The following MMP19 variants were observed in gnomAD, a reference collection of about 807,000 sequenced individuals.
MMP19 encodes the protein matrix metallopeptidase 19.
Under a neutral mutation model 46.6 loss-of-function variants are expected in MMP19, and 47 were observed. That is an observed-to-expected ratio of 1.01 (90% CI 0.80 to 1.29). The LOEUF (loss-of-function observed/expected upper bound fraction) is 1.29, where lower values mean the gene tolerates loss of function less well. MMP19 is among the 50% of genes most tolerant of loss of function. MMP19 has a pLI of 0.00. For synonymous variants in MMP19, 222 were observed against 248.5 expected, an observed-to-expected ratio of 0.89 and a Z score of 1.00; for missense variants, 589 against 643.5, an observed-to-expected ratio of 0.92 and a Z score of 0.92.
intron 3 of MMP19, 77 bp from the exon 4 acceptor site, chr12:55,840,959 C>T: frequency 1.3e-6 from 2 of 1,534,050 alleles, no homozygotes; most frequent in Admixed American, 1.9e-5. Flanking sequence ...GGTTTAGGCA[C>T]TCAACCCCCA....
rs1232328893 is a variant in MMP19, at chr12:55,842,822, G to A, written c.9C>T (p.Cys3=). The A allele has an allele frequency of 1.3e-6, 2 of 1,596,348 alleles. No individual in the cohort carries two copies. Among genetic ancestry groups the A allele is most frequent in the Non-Finnish European group, 1.7e-6 (2 of 1,172,134 alleles). Residue 3 remains cysteine, a synonymous_variant, in exon 1 of 9, where the codon TGC becomes TGT. Transcript: ENST00000322569. The part of the protein sequence containing the change: MN[C]QQLWLGFLLP... Reference sequence around the variant, plus strand: ...GTAGGAAGCCCAGCCACAGCTGCTGGCAGTTCATGGTCCCACCAGACGAGA... The same window carrying A: ...GTAGGAAGCCCAGCCACAGCTGCTGACAGTTCATGGTCCCACCAGACGAGA...
chr12:55,837,220 T>G lies in MMP19; in HGVS notation c.1343A>C (p.Tyr448Ser). Residue 448 changes from tyrosine (Y) to serine (S), a missense_variant, in exon 9 of 9, where the codon TAC (tyrosine) becomes TCC (serine). Physicochemically the swap from Tyr to Ser is moderately radical, Grantham distance 144. Coordinates refer to ENST00000322569, the MANE Select transcript of MMP19 (RefSeq NM_002429.6). ...GRVYFFKGKV[Y>S]WRLNQQLRVE... ...TCGAAGCTGCTGGTTGAGGCGCCAG[T>G]AGACTTTGCCCTTGAAGAAGTAGAC... The G allele has an allele frequency of 6.2e-7, 1 of 1,614,224 alleles. No homozygotes were observed. Among genetic ancestry groups the G allele is most frequent in the Non-Finnish European group, 8.5e-7 (1 of 1,180,040 alleles).
intron 6 of MMP19, chr12:55,838,224 AC>A (rs1881403049): frequency 1.6e-6 from 1 of 626,264 alleles, no homozygotes; most frequent in South Asian, 2.1e-5. Flanking sequence ...ACTCAACAAA[AC>A]AAAAGCCCTG....
rs1565693671 is a variant in MMP19, at chr12:55,835,558, C to T, written c.*1478G>A. The T allele has an allele frequency of 6.6e-6, 1 of 152,276 alleles. No individual in the cohort carries two copies. Among genetic ancestry groups the T allele is most frequent in the Non-Finnish European group, 1.5e-5 (1 of 68,106 alleles). 9.4% of individuals were successfully genotyped at this position (152,276 alleles called of 1,614,324 possible). On this transcript the variant is annotated 3_prime_UTR_variant, in exon 9 of 9. Coordinates refer to ENST00000322569, the MANE Select transcript of MMP19 (RefSeq NM_002429.6). ...CCTCCCAAAGTGCTAGGATTATAGC[C>T]ACCGCACCTCGTCTTGAAATAGCCT...
At chr12:55,838,232 C>T in intron 6 of MMP19, 1 of 622,304 alleles carries the variant, frequency 1.6e-6, no homozygotes, top group Non-Finnish European at 2.8e-6. Context: ...AAACAAAAGC[C>T]CTGCAGATAG....
chr12:55,842,071 C>T (rs932537496), intron 2 of MMP19, among the ~76,000 whole-genome samples: 1 of 152,196 alleles, frequency 6.6e-6, no homozygotes, highest in Non-Finnish European at 1.5e-5. Flanking sequence ...CATATCATTA[C>T]ACTTTATGTG....
In MMP19 at chr12:55,842,895, G is replaced by A. The variant is rs1263408673; in HGVS notation, c.-65C>T. Reference sequence around the variant, plus strand: ...CTGACCTGAGATTTCTGGGAGCCTTGGGGGAGCAGTGCTAGGCAGAGGGGC... The same window carrying A: ...CTGACCTGAGATTTCTGGGAGCCTTAGGGGAGCAGTGCTAGGCAGAGGGGC... On this transcript the variant is annotated 5_prime_UTR_variant, in exon 1 of 9. Transcript: ENST00000322569. 6 of 1,344,036 alleles carry A rather than the reference G, an allele frequency of 4.5e-6. No homozygotes were observed. The highest frequency in any genetic ancestry group is 6.2e-6 in the Non-Finnish European group (6 of 962,260). 83.3% of individuals were successfully genotyped at this position (1,344,036 alleles called of 1,614,324 possible).
chr12:55,838,000 A>C lies in MMP19; in HGVS notation c.903T>G (p.Arg301=). ...SELDAMMLGP[R]GKTYAFKGDY... is the part of the protein sequence containing the mutation. The stretch of plus-strand genomic sequence containing the variant: ...CCCCCTTGAAAGCATAGGTCTTCCC[A>C]CGGGGCCCTGAGCGTAATGGTGTGT... Residue 301 remains arginine (R), a synonymous_variant, in exon 7 of 9, where the codon CGT becomes CGG. Coordinates refer to ENST00000322569, the MANE Select transcript of MMP19 (RefSeq NM_002429.6). The C allele has an allele frequency of 6.3e-7, 1 of 1,582,954 alleles. No homozygotes were observed. The highest frequency in any genetic ancestry group is 8.6e-7 in the Non-Finnish European group (1 of 1,157,812).
rs188271996 is a variant in MMP19 at position 55,837,943 on chromosome 12, C to G, written c.960G>C (p.Pro320=). ...DYVWTVSDSG[P]GPLFRVSALW... is the part of the protein sequence containing the mutation. The stretch of plus-strand genomic sequence containing the variant: ...GGGCAGACACTCGGAACAAGGGGCC[C>G]GGTCCTGAATCTGATACAGTCCACA... The change falls in exon 7 of 9, where the codon CCG becomes CCC. Residue 320 remains proline (P), a synonymous_variant. Transcript: ENST00000322569. The G allele has an allele frequency of 4.3e-6, 7 of 1,612,518 alleles. No homozygotes were observed. The highest frequency in any genetic ancestry group is 5.9e-6 in the Non-Finnish European group (7 of 1,178,818).
rs1268365778 is a variant in MMP19, at chr12:55,835,804, C to G, written c.*1232G>C. 2 of 151,964 alleles carry G rather than the reference C, an allele frequency of 1.3e-5. No individual in the cohort carries two copies. The highest frequency in any genetic ancestry group is 4.2e-4 in the South Asian group (2 of 4,814). The allele number at this position is 151,964 out of a possible 1,614,324, so 9.4% of individuals were successfully genotyped here. A position where few individuals can be genotyped will look rare whatever the true frequency, so the allele number is the denominator to read the frequency against. On this transcript the variant is annotated 3_prime_UTR_variant, in exon 9 of 9. Transcript: ENST00000322569. ...CATAGGCTTAAACTACCCCCACCCC[C>G]ACCTCCGCCTCCTACCTCAGCTGGG... is the stretch of plus-strand genomic sequence containing the variant.
intron 2 of MMP19, 34 bp from the exon 3 acceptor site, chr12:55,841,270 A>G (rs775206067): frequency 2.5e-6 from 4 of 1,595,436 alleles, no homozygotes; most frequent in East Asian, 2.2e-5. Context: ...CTACCAGGAC[A>G]GGAAAATCTG....
At position 55,840,723 on chromosome 12, in the gene MMP19, C is replaced by T. The variant is rs746042953; in HGVS notation, c.464G>A (p.Arg155His). ...GCTTTGGCGGCCATGGAAGGAGAGGCGGATGTCAGCCGCACCAGCCTGCAC... is the reference window on the plus strand; with the variant it reads ...GCTTTGGCGGCCATGGAAGGAGAGGTGGATGTCAGCCGCACCAGCCTGCAC... ...QEVQAGAADI[R>H]LSFHGRQSSY... The change falls in exon 4 of 9, where the codon CGC becomes CAC. Residue 155 changes from arginine to histidine, a missense_variant. Physicochemically the swap from Arg to His is conservative, Grantham distance 29. Coordinates refer to ENST00000322569, the MANE Select transcript of MMP19 (RefSeq NM_002429.6). 14 of 1,613,818 alleles carry T rather than the reference C, an allele frequency of 8.7e-6. No individual in the cohort carries two copies. The highest frequency in any genetic ancestry group is 7.7e-5 in the South Asian group (7 of 91,068).
chr12:55,838,487 C>T, intron 6 of MMP19, 119 bp downstream of exon 6: 1 of 1,604,992 alleles, frequency 6.2e-7, no homozygotes, highest in South Asian at 1.1e-5. Flanking sequence ...GTCATTAATG[C>T]CTGGGGTCTA....
rs758711137 is a variant in MMP19, at chr12:55,838,702, C to A, written c.799G>T (p.Glu267Ter). The change falls in exon 6 of 9, where the codon GAA becomes TAA. Residue 267 changes from glutamate (E) to a stop codon, truncating the protein, a stop_gained. Coordinates refer to ENST00000322569, the MANE Select transcript of MMP19 (RefSeq NM_002429.6). LOFTEE classifies it high-confidence loss of function. ...KKSPVIRDEE[E>*]EETELPTVPP... ...ACAGTGGGCAGCTCTGTCTCTTCTT[C>A]TTCCTCATCCCTTATCACTGGACTC... The A allele has an allele frequency of 1.1e-5, 17 of 1,609,706 alleles. No homozygotes were observed. The highest frequency in any genetic ancestry group is 3.3e-4 in the Middle Eastern group (2 of 6,058).
rs1466153723 is a variant in MMP19, at chr12:55,838,599, G to A, written c.895+7C>T. 2 of 1,614,172 alleles carry A rather than the reference G, an allele frequency of 1.2e-6. No individual in the cohort carries two copies. The highest frequency in any genetic ancestry group is 8.5e-7 in the Non-Finnish European group (1 of 1,180,026). On this transcript the variant is annotated splice_region_variant and intron_variant, in intron 6 of 8. Transcript: ENST00000322569. ...CCTGCCAACAGCCTGGAGGGGAGGG[G>A]CCTCACCCAGCATCATGGCATCCAG...
At position 55,836,955 on chromosome 12, in the gene MMP19, T is replaced by C; in HGVS notation, c.*81A>G. The stretch of plus-strand genomic sequence containing the variant: ...GGTATTTCATTCAGCTATTAGGCCT[T>C]AGGCTTCTGGGGGGGAAATGAAAGG... On this transcript the variant is annotated 3_prime_UTR_variant, in exon 9 of 9. Coordinates refer to ENST00000322569, the MANE Select transcript of MMP19 (RefSeq NM_002429.6). 1.5e-6 allele frequency: 2 copies of C among 1,310,240 alleles called. No homozygotes were observed. Among genetic ancestry groups the C allele is most frequent in the South Asian group, 2.8e-5 (2 of 70,574 alleles). 81.2% of individuals were successfully genotyped at this position (1,310,240 alleles called of 1,614,324 possible). A position where few individuals can be genotyped will look rare whatever the true frequency, so the allele number is the denominator to read the frequency against.
In MMP19 at chr12:55,839,605, C is replaced by A; in HGVS notation, c.657G>T (p.Gly219=). The A allele has an allele frequency of 1.2e-6, 2 of 1,614,206 alleles. No individual in the cohort carries two copies. The highest frequency in any genetic ancestry group is 1.7e-6 in the Non-Finnish European group (2 of 1,180,038). Residue 219 remains glycine, a synonymous_variant, in exon 5 of 9, where the codon GGG becomes GGT. Transcript: ENST00000322569. Reference sequence around the variant, plus strand: ...CCTGGGAATATCGGGAGTGCCCAAGCCCCAGAGCATGGCCCACTTCATGGG... The same window carrying A: ...CCTGGGAATATCGGGAGTGCCCAAGACCCAGAGCATGGCCCACTTCATGGG... The part of the protein sequence containing the change: ...IAAHEVGHAL[G]LGHSRYSQAL...
chr12:55,841,079 C>G, intron 3 of MMP19, 27 bp downstream of exon 3: 1 of 1,604,382 alleles, frequency 6.2e-7, no homozygotes, highest in South Asian at 1.1e-5. Flanking sequence ...CCCTCCTCTC[C>G]CTCTCTTTTC....
At chr12:55,838,947 A>C (rs894874666) in intron 5 of MMP19, among the ~76,000 whole-genome samples, 4 of 152,172 alleles carry the variant, frequency 2.6e-5, no homozygotes, top group African/African-American at 9.7e-5. Context: ...GATTGTTAAA[A>C]TGTGCATTCT....
Sources: gnomAD v4.1 joint callset for allele counts (sites outside exome capture counted in the v4.1 genomes callset) on GRCh38, gnomAD v4.1.1 for gene constraint, MANE v1.5 for transcripts, NCBI Gene and HGNC (gene_info 2026-07-23, HGNC 2026-07-21) for gene names.